The following KCNH2 variants were observed in gnomAD, a reference collection of about 807,000 sequenced individuals.
KCNH2 encodes the protein voltage-gated inwardly rectifying potassium channel KCNH2.
Under a neutral mutation model 95.9 loss-of-function variants are expected in KCNH2, and 35 were observed. The ratio of observed to expected loss-of-function variants is 0.37; its 90% confidence interval spans 0.28 to 0.48. The LOEUF (loss-of-function observed/expected upper bound fraction) is 0.48. Ranked by LOEUF, KCNH2 falls within the 20% of genes least tolerant of loss-of-function variation. The pLI, the probability that KCNH2 is intolerant of heterozygous loss-of-function variation, is 0.99. For missense variants in KCNH2, 1,274 were observed against 1,702.9 expected, an observed-to-expected ratio of 0.75 and a Z score of 4.43; for synonymous variants, 786 against 754.7, an observed-to-expected ratio of 1.04 and a Z score of -0.68.
intron 2 of KCNH2, among the ~76,000 whole-genome samples, chr7:150,970,482 G>A (rs906908448): frequency 2.6e-5 from 4 of 152,356 alleles, no homozygotes; most frequent in Admixed American, 6.5e-5. Context: ...CTTCAGTTGC[G>A]TCATGCCTGC....
intron 5 of KCNH2, chr7:150,955,466 G>A (rs1468640402): frequency 1.3e-6 from 2 of 1,559,862 alleles, no homozygotes; most frequent in African/African-American, 1.4e-5. Flanking sequence ...GGGCCGCAGA[G>A]CCCCTGTCCT....
intron 2 of KCNH2, among the ~76,000 whole-genome samples, chr7:150,966,739 G>A (rs2117038104): frequency 6.6e-6 from 1 of 152,326 alleles, no homozygotes; most frequent in South Asian, 2.1e-4. Context: ...ACTCTTAAGT[G>A]TCCAGGAATT....
In KCNH2 at chr7:150,977,951, C is replaced by CCCCGGCCCGG. The variant is rs747534042; in HGVS notation, c.-48_-39dup. On this transcript the variant is annotated 5_prime_UTR_variant, in exon 1 of 15. Coordinates refer to ENST00000262186, the MANE Select transcript of KCNH2 (RefSeq NM_000238.4). ...GGCGGGCCGGGCGGGCCCCCACCCA[C>CCCCGGCCCGG]CCCGGCCCGGCCCGGCCCAGCACTA... 13 of 1,434,810 alleles carry CCCCGGCCCGG rather than the reference C, an allele frequency of 9.1e-6. No homozygotes were observed. The highest frequency in any genetic ancestry group is 2.9e-5 in the African/African-American group (2 of 67,954). 88.9% of individuals were successfully genotyped at this position (1,434,810 alleles called of 1,614,324 possible). A position where few individuals can be genotyped will look rare whatever the true frequency, so the allele number is the denominator to read the frequency against.
chr7:150,969,797 A>C (rs531259946), intron 2 of KCNH2, among the ~76,000 whole-genome samples: 40 of 152,324 alleles, frequency 2.6e-4, no homozygotes, highest in African/African-American at 9.6e-4. Flanking sequence ...CGGAGGACCA[A>C]GGCTGCCTGG....
intron 5 of KCNH2, among the ~76,000 whole-genome samples, chr7:150,953,589 T>C (rs1334001887): frequency 1.3e-5 from 2 of 152,102 alleles, no homozygotes; most frequent in Admixed American, 1.3e-4. Flanking sequence ...CTGTACCAGC[T>C]CACACTCACA....
chr7:150,946,761 C>T lies in KCNH2; in HGVS notation c.3330+116G>A. Reference sequence around the variant, plus strand: ...GACAGGGGTGGGAGGAGGGCAGGAACAAGGTTCAGGGAGGCTGGGCCACAG... The same window carrying T: ...GACAGGGGTGGGAGGAGGGCAGGAATAAGGTTCAGGGAGGCTGGGCCACAG... On this transcript the variant is annotated intron_variant, in intron 14 of 14. Transcript: ENST00000262186. This position sits in a 1 kb window ranked among gnomAD's most constrained non-coding sequence, Gnocchi z 6.5. 1 of 978,422 alleles carries T rather than the reference C, an allele frequency of 1.0e-6. No individual in the cohort carries two copies. The allele number at this position is 978,422 out of a possible 1,614,324, so 60.6% of individuals were successfully genotyped here.
In KCNH2 at chr7:150,958,081, CG is replaced by C. The variant is rs1563169382; in HGVS notation, c.893del (p.Pro298ArgfsTer62). On this transcript the variant is annotated frameshift_variant, in exon 4 of 15. Coordinates refer to ENST00000262186, the MANE Select transcript of KCNH2 (RefSeq NM_000238.4). LOFTEE classifies it high-confidence loss of function. ...CACCGGTGCTGGCGTGGCGCGGTGGCGGGGGCAGCACCCCGGCGCGCATGGC... is the reference window on the plus strand; with the variant it reads ...CACCGGTGCTGGCGTGGCGCGGTGGCGGGGCAGCACCCCGGCGCGCATGGC... ...IEAMRAGVLP[P>X]PPRHASTGAM... 4 of 1,273,380 alleles carry C rather than the reference CG, an allele frequency of 3.1e-6. No individual in the cohort carries two copies. Among genetic ancestry groups the C allele is most frequent in the South Asian group, 2.9e-5 (1 of 34,406 alleles). 78.9% of individuals were successfully genotyped at this position (1,273,380 alleles called of 1,614,324 possible). A position where few individuals can be genotyped will look rare whatever the true frequency, so the allele number is the denominator to read the frequency against.
In KCNH2 at chr7:150,958,507, G is replaced by C; in HGVS notation, c.473-5C>G. 2 of 1,475,948 alleles carry C rather than the reference G, an allele frequency of 1.4e-6. No homozygotes were observed. The highest frequency in any genetic ancestry group is 1.8e-6 in the Non-Finnish European group (2 of 1,120,202). 91.4% of individuals were successfully genotyped at this position (1,475,948 alleles called of 1,614,324 possible). On this transcript the variant is annotated splice_polypyrimidine_tract_variant and splice_region_variant and intron_variant, in intron 3 of 14. Coordinates refer to ENST00000262186, the MANE Select transcript of KCNH2 (RefSeq NM_000238.4). ...GGCGGAAGGTCTTGGCGCGGCCTGC[G>C]GGAGAGGAGAGGCACGTGGTCGTGG...
chr7:150,975,639 C>T (rs187702906), intron 1 of KCNH2, among the ~76,000 whole-genome samples: 3 of 152,336 alleles, frequency 2.0e-5, no homozygotes, highest in Non-Finnish European at 2.9e-5. Flanking sequence ...GTGTTATTAT[C>T]CTCCTTTTAT....
chr7:150,949,575 C>T, intron 9 of KCNH2: 1 of 1,044,844 alleles, frequency 9.6e-7, no homozygotes, highest in Non-Finnish European at 1.2e-6. Context: ...TTGTACAGAG[C>T]TGAGAAACAA....
intron 8 of KCNH2, 137 bp from the exon 9 acceptor site, chr7:150,950,557 C>T (rs1801110028): frequency 1.7e-6 from 2 of 1,209,854 alleles, no homozygotes; most frequent in Admixed American, 4.9e-5. Context: ...CATCAGGGGG[C>T]CCAGTGTCTT....
At position 150,958,181 on chromosome 7, in the gene KCNH2, C is replaced by A; in HGVS notation, c.794G>T (p.Cys265Phe). Residue 265 changes from cysteine to phenylalanine, a missense_variant, in exon 4 of 15, where the codon TGC (cysteine) becomes TTC (phenylalanine). Physicochemically the swap from Cys to Phe is radical, Grantham distance 205 (BLOSUM62 -2). Around this residue, in one of 7 missense-constraint regions of KCNH2, gnomAD observed 392 missense variants for 429.9 expected, o/e 0.91. Coordinates refer to ENST00000262186, the MANE Select transcript of KCNH2 (RefSeq NM_000238.4). ...TCGGGAGCGCGTCCGGGCCAGGCTGCAGCTGGAGCCCGAGGCGTCGGGGTT... is the reference window on the plus strand; with the variant it reads ...TCGGGAGCGCGTCCGGGCCAGGCTGAAGCTGGAGCCCGAGGCGTCGGGGTT... ...SLNPDASGSS[C>F]SLARTRSRES... The A allele has an allele frequency of 7.4e-7, 1 of 1,356,450 alleles. No individual in the cohort carries two copies. The highest frequency in any genetic ancestry group is 9.5e-7 in the Non-Finnish European group (1 of 1,056,844). 84.0% of individuals were successfully genotyped at this position (1,356,450 alleles called of 1,614,324 possible).
intron 5 of KCNH2, among the ~76,000 whole-genome samples, chr7:150,954,241 G>A (rs1801286870): frequency 6.6e-6 from 1 of 151,990 alleles, no homozygotes; most frequent in African/African-American, 2.4e-5. Context: ...CCATGGGTGG[G>A]TGGCCCTTCA....
In KCNH2 at chr7:150,974,931, G is replaced by T. The variant is rs199472830; in HGVS notation, c.87C>A (p.Phe29Leu). The T allele has an allele frequency of 6.2e-7, 1 of 1,604,712 alleles. No individual in the cohort carries two copies. The change falls in exon 2 of 15, where the codon TTC (phenylalanine) becomes TTA (leucine). Residue 29 changes from phenylalanine to leucine, a missense_variant. Phe to Leu is a conservative substitution (Grantham distance 22, BLOSUM62 0). Around this residue, in one of 7 missense-constraint regions of KCNH2, gnomAD observed 85 missense variants for 174.7 expected, o/e 0.49. Transcript: ENST00000262186. ...IRKFEGQSRKFIIANARVENC... is the reference protein window; with the variant it reads ...IRKFEGQSRKLIIANARVENC... ...TCTCCACCCGAGCGTTGGCGATGATGAACTTACGGCCTAGGGGGGCGGGGA... is the reference window on the plus strand; with the variant it reads ...TCTCCACCCGAGCGTTGGCGATGATTAACTTACGGCCTAGGGGGGCGGGGA...
At chr7:150,966,334 A>T (rs1801700727) in intron 2 of KCNH2, among the ~76,000 whole-genome samples, 1 of 149,558 alleles carries the variant, frequency 6.7e-6, no homozygotes, top group Admixed American at 6.7e-5. Flanking sequence ...CTCTGCCATG[A>T]GTCACAGCTT....
chr7:150,977,815 G>A (rs756380677), intron 1 of KCNH2, 23 bp downstream of exon 1: 5 of 222,046 alleles, frequency 2.3e-5, no homozygotes, highest in South Asian at 1.5e-4. Flanking sequence ...CCCCCTCCCC[G>A]CTCAGCCCCC....
intron 2 of KCNH2, 33 bp downstream of exon 2, chr7:150,974,678 C>T: frequency 6.5e-7 from 1 of 1,536,240 alleles, no homozygotes; most frequent in Non-Finnish European, 8.8e-7. Flanking sequence ...TGACCCCGCC[C>T]CTGGTCGTGG....
At chr7:150,973,288 G>A (rs983934855) in intron 2 of KCNH2, among the ~76,000 whole-genome samples, 1 of 152,200 alleles carries the variant, frequency 6.6e-6, no homozygotes, top group Non-Finnish European at 1.5e-5. Context: ...ATATATGACA[G>A]ACAGAACAGA....
At position 150,946,919 on chromosome 7, in the gene KCNH2, G is replaced by A. The variant is rs748606749; in HGVS notation, c.3288C>T (p.Pro1096=). 2.3e-5 allele frequency: 36 copies of A among 1,597,572 alleles called. No individual in the cohort carries two copies. Among genetic ancestry groups the A allele is most frequent in the Middle Eastern group, 3.3e-4 (2 of 6,012 alleles). Residue 1096 remains proline, a synonymous_variant, in exon 14 of 15, where the codon CCC becomes CCT. Transcript: ENST00000262186. This position sits in a 1 kb window ranked among gnomAD's most constrained non-coding sequence, Gnocchi z 6.5. ...PGPTSTSPLL[P]VSPLPTLTLD... is the part of the protein sequence containing the mutation. ...AGGTGAGGGTGGGGAGGGGGCTGACGGGCAACAGCGGGGATGTGGAAGTGG... is the reference window on the plus strand; with the variant it reads ...AGGTGAGGGTGGGGAGGGGGCTGACAGGCAACAGCGGGGATGTGGAAGTGG...
Sources: allele counts gnomAD v4.1 joint callset (sites outside exome capture counted in the v4.1 genomes callset), GRCh38; gene constraint gnomAD v4.1.1; regional missense constraint gnomAD v4.1.1; non-coding constraint Gnocchi (gnomAD v3.1); transcripts MANE v1.5; gene names NCBI Gene and HGNC (gene_info 2026-07-23, HGNC 2026-07-21).